ZNF667: variants seen among roughly 807,000 people sequenced by gnomAD.
ZNF667 encodes myocardial ischemic preconditioning upregulated 1 ortholog.
ZNF667 carries 13 observed loss-of-function variants against 31.8 expected under a neutral mutation model. The ratio of observed to expected loss-of-function variants is 0.41; its 90% CI spans 0.27 to 0.65. ZNF667 has a LOEUF of 0.65. Ranked by LOEUF, ZNF667 falls within the 30% of genes least tolerant of loss-of-function variation. The pLI, the probability that ZNF667 is intolerant of heterozygous loss-of-function variation, is 0.32. For synonymous variants in ZNF667, 228 were observed against 247.1 expected, an observed-to-expected ratio of 0.92 and a Z score of 0.73; for missense variants, 642 against 725.6, an observed-to-expected ratio of 0.88 and a Z score of 1.32.
At chr19:56,451,890 A>C (rs1033008432) in intron 6 of ZNF667, among the ~76,000 whole-genome samples, 3 of 117,724 alleles carry the variant, frequency 2.5e-5, no homozygotes, top group East Asian at 2.1e-4. Flanking sequence ...AAAAAAAAAA[A>C]AAAAAAAAAC....
At chr19:56,452,568 C>T (rs1016646731) in intron 6 of ZNF667, among the ~76,000 whole-genome samples, 5 of 151,760 alleles carry the variant, frequency 3.3e-5, no homozygotes, top group East Asian at 3.9e-4. Context: ...ACCCCAAATT[C>T]GCAGAAAAAA....
intron 2 of ZNF667, among the ~76,000 whole-genome samples, chr19:56,473,477 A>T (rs549728673): frequency 2.4e-4 from 36 of 152,382 alleles, no homozygotes; most frequent in African/African-American, 8.7e-4. Context: ...CTAAGTGAAT[A>T]TTACATGCAT....
chr19:56,458,339 T>C (rs964295494), intron 5 of ZNF667, 92 bp from the exon 6 acceptor site: 1 of 1,058,496 alleles, frequency 9.4e-7, no homozygotes, highest in Non-Finnish European at 1.5e-6. Flanking sequence ...GCAGGTTTAG[T>C]AGCATGAAGG....
chr19:56,443,997 T>A (rs2042670901), intron 6 of ZNF667: 1 of 366,018 alleles, frequency 2.7e-6, no homozygotes. Context: ...ATACTATGAG[T>A]ATAAAACATA....
Position 56,440,289 on chromosome 19 carries a change from T to C in ZNF667, c.*873A>G, listed in dbSNP as rs1017530361. On this transcript the variant is annotated 3_prime_UTR_variant, in exon 7 of 7. Coordinates refer to ENST00000504904, the MANE Select transcript of ZNF667 (RefSeq NM_001321356.2). The stretch of plus-strand genomic sequence containing the variant: ...ATATCTTGGTTCTTTTACTGATAGC[T>C]TGTCTCAGCCAAGTTAGACGTTCAC... 6 of 152,252 alleles carry C rather than the reference T, an allele frequency of 3.9e-5. No homozygotes were observed. The highest frequency in any genetic ancestry group is 1.4e-4 in the African/African-American group (6 of 41,460). The allele number at this position is 152,252 out of a possible 1,614,324, so 9.4% of individuals were successfully genotyped here.
intron 6 of ZNF667, among the ~76,000 whole-genome samples, chr19:56,457,713 C>G (rs558731955): frequency 6.6e-6 from 1 of 152,148 alleles, no homozygotes; most frequent in African/African-American, 2.4e-5. Context: ...AGAGATTGCC[C>G]CCTCACAATT....
At chr19:56,446,106 G>A (rs2147685563) in intron 6 of ZNF667, among the ~76,000 whole-genome samples, 1 of 152,318 alleles carries the variant, frequency 6.6e-6, no homozygotes, top group Non-Finnish European at 1.5e-5. Context: ...TACATATGTG[G>A]CTCACATTAT....
chr19:56,443,197 A>G (rs1447697367), intron 6 of ZNF667, among the ~76,000 whole-genome samples: 2 of 152,210 alleles, frequency 1.3e-5, no homozygotes, highest in African/African-American at 4.8e-5. Context: ...TGATGGTTAC[A>G]CACTCTGTAA....
intron 6 of ZNF667, among the ~76,000 whole-genome samples, chr19:56,454,776 T>G (rs1207780931): frequency 6.6e-6 from 1 of 151,418 alleles, no homozygotes; most frequent in Non-Finnish European, 1.5e-5. Context: ...AAATATTTCT[T>G]GAGTAATACC....
rs776863378 is a variant in ZNF667, at chr19:56,462,313, G to A, written c.33+25C>T. On this transcript the variant is annotated intron_variant, in intron 4 of 6. Transcript: ENST00000504904. Reference sequence around the variant, plus strand: ...CTCACAAGACACGATGGGGTGTTCCGGAAGGAAGAGGAATTGCCACTTACC... The same window carrying A: ...CTCACAAGACACGATGGGGTGTTCCAGAAGGAAGAGGAATTGCCACTTACC... The A allele has an allele frequency of 4.0e-5, 65 of 1,613,906 alleles. 1 individual carries two copies. The South Asian group carries it at 4.4e-4, about 11-fold the overall frequency.
intron 6 of ZNF667, among the ~76,000 whole-genome samples, chr19:56,448,001 C>T (rs1600407219): frequency 6.6e-6 from 1 of 152,178 alleles, no homozygotes; most frequent in African/African-American, 2.4e-5. Context: ...CATAAGAAAA[C>T]ACCTTCATAG....
chr19:56,445,889 C>T (rs534778532), intron 6 of ZNF667, among the ~76,000 whole-genome samples: 18 of 100,470 alleles, frequency 1.8e-4, no homozygotes, highest in African/African-American at 7.3e-4. Flanking sequence ...CAATCACCTC[C>T]CACAGACCCC....
intron 6 of ZNF667, among the ~76,000 whole-genome samples, chr19:56,457,766 G>T (rs1222309811): frequency 6.6e-6 from 1 of 152,164 alleles, no homozygotes; most frequent in Non-Finnish European, 1.5e-5. Context: ...TGCTGCAACA[G>T]ATTGAACGTT....
Position 56,442,059 on chromosome 19 carries a change from C to A in ZNF667, c.936G>T (p.Ala312=), listed in dbSNP as rs202190760. The change falls in exon 7 of 7, where the codon GCG becomes GCT. Residue 312 remains alanine (A), a synonymous_variant. Coordinates refer to ENST00000504904, the MANE Select transcript of ZNF667 (RefSeq NM_001321356.2). ...GCTGTAGACTCTGACTTAAGGCCTTCGCATTTTCAGGGATTTTCTCTCCAG... is the reference window on the plus strand; with the variant it reads ...GCTGTAGACTCTGACTTAAGGCCTTAGCATTTTCAGGGATTTTCTCTCCAG... ...IHAGEKIPEN[A]KALSQSLQQR... The A allele has an allele frequency of 3.1e-6, 5 of 1,613,956 alleles. No individual in the cohort carries two copies. In the East Asian group the frequency reaches 1.1e-4, roughly 36 times the overall value.
chr19:56,453,727 T>A (rs953661801), intron 6 of ZNF667, among the ~76,000 whole-genome samples: 1 of 152,118 alleles, frequency 6.6e-6, no homozygotes, highest in African/African-American at 2.4e-5. Flanking sequence ...GCTAGTATAA[T>A]ACTGAATGGA....
At chr19:56,462,751 G>C (rs2043074280) in intron 3 of ZNF667, among the ~76,000 whole-genome samples, 1 of 152,206 alleles carries the variant, frequency 6.6e-6, no homozygotes, top group Non-Finnish European at 1.5e-5. Context: ...ACTGGGGGGA[G>C]AGCAGTGAGT....
chr19:56,472,722 C>T (rs1351840825), intron 2 of ZNF667: 2 of 152,188 alleles, frequency 1.3e-5, no homozygotes, highest in African/African-American at 4.8e-5. Context: ...ATGTAACACA[C>T]AAAATATGTG....
intron 6 of ZNF667, among the ~76,000 whole-genome samples, chr19:56,448,557 C>A (rs1159109827): frequency 6.6e-6 from 1 of 151,902 alleles, no homozygotes; most frequent in East Asian, 1.9e-4. Context: ...CAACTCCAGG[C>A]AGCACAGCTG....
intron 3 of ZNF667, among the ~76,000 whole-genome samples, chr19:56,463,012 G>A (rs150235594): frequency 9.9e-5 from 15 of 152,206 alleles, no homozygotes; most frequent in Non-Finnish European, 1.5e-4. Flanking sequence ...AGGTGTCAGC[G>A]TCATGGGTGG....
Sources: allele counts gnomAD v4.1 joint callset (sites outside exome capture counted in the v4.1 genomes callset), GRCh38; gene constraint gnomAD v4.1.1; transcripts MANE v1.5; gene names NCBI Gene and HGNC (gene_info 2026-07-23, HGNC 2026-07-21).